CCNI: variants seen among roughly 807,000 people sequenced by gnomAD.
CCNI encodes the protein cyclin I.
Under a neutral mutation model 34.1 loss-of-function variants are expected in CCNI, and 14 were observed. The observed-to-expected ratio is 0.41, with a 90% CI of 0.27 to 0.64. The LOEUF (loss-of-function observed/expected upper bound fraction) is 0.64, where lower values mean the gene tolerates loss of function less well. Ranked by LOEUF, CCNI falls within the 30% of genes least tolerant of loss-of-function variation. CCNI has a pLI of 0.31. For synonymous variants in CCNI, 154 were observed against 158.4 expected (o/e 0.97, Z 0.21); for missense variants, 385 against 440.5 (o/e 0.87, Z 1.13).
intron 1 of CCNI, among the ~76,000 whole-genome samples, chr4:77,069,998 T>C (rs1006663828): frequency 6.6e-6 from 1 of 151,034 alleles, no homozygotes; most frequent in South Asian, 2.1e-4. Context: ...TTACCATAAA[T>C]ACAGTCTAAA....
intron 6 of CCNI, among the ~76,000 whole-genome samples, 199 bp downstream of exon 6, chr4:77,054,951 C>T (rs4252905): frequency 0.23 from 34,830 of 151,904 alleles, 4,970 homozygotes; most frequent in East Asian, 0.38. Context: ...TAAAAGGAAT[C>T]TTAAAAATAC....
At chr4:77,055,098 C>A in intron 6 of CCNI, 52 bp downstream of exon 6, 1 of 1,205,974 alleles carries the variant, frequency 8.3e-7, no homozygotes, top group Non-Finnish European at 1.2e-6. Flanking sequence ...TCTATGTATT[C>A]CAATAATAGA....
chr4:77,064,168 G>A lies in CCNI; in HGVS notation c.114+2081C>T, dbSNP rs1370677844. On this transcript the variant is annotated intron_variant, in intron 2 of 6. Coordinates refer to ENST00000237654, the MANE Select transcript of CCNI (RefSeq NM_006835.3). ...TGAGGCAAGAGAATCACTTGAGCCC[G>A]GGAGGCCGAGGTTACAGTGAGCCGA... Among the ~76,000 whole-genome samples, 27 of 151,988 alleles carry A rather than the reference G, an allele frequency of 1.8e-4. No individual in the cohort carries two copies. In the East Asian group the frequency reaches 4.3e-3, roughly 24 times the overall value.
Position 77,048,011 on chromosome 4 carries a change from CTTTT to C in CCNI, c.*204_*207del, listed in dbSNP as rs372298005. The C allele has an allele frequency of 4.3e-4, 137 of 316,638 alleles. No homozygotes were observed. Among genetic ancestry groups the C allele is most frequent in the African/African-American group, 2.3e-3 (86 of 37,948 alleles). 19.6% of individuals were successfully genotyped at this position (316,638 alleles called of 1,614,324 possible). A position where few individuals can be genotyped will look rare whatever the true frequency, so the allele number is the denominator to read the frequency against. On this transcript the variant is annotated 3_prime_UTR_variant, in exon 7 of 7. Coordinates refer to ENST00000237654, the MANE Select transcript of CCNI (RefSeq NM_006835.3). The stretch of plus-strand genomic sequence containing the variant: ...AAAAAAGTTTGGATCTTTTGGATTT[CTTTT>C]TTTTTTTTTTGGTCTTTATGTGCTT...
chr4:77,073,452 T>C, intron 1 of CCNI, among the ~76,000 whole-genome samples: 1 of 152,232 alleles, frequency 6.6e-6, no homozygotes, highest in East Asian at 1.9e-4. Context: ...ACCAATTCCA[T>C]TAATAATCCT....
chr4:77,061,916 G>A (rs1296405837), intron 2 of CCNI, among the ~76,000 whole-genome samples: 5 of 151,950 alleles, frequency 3.3e-5, no homozygotes, highest in Non-Finnish European at 7.4e-5. Flanking sequence ...TGATCCACCC[G>A]CCTCGGCCTC....
At chr4:77,066,465 AC>A (rs1729045470) in intron 1 of CCNI, 60 bp from the exon 2 acceptor site, 11 of 1,288,814 alleles carry the variant, frequency 8.5e-6, no homozygotes, top group Non-Finnish European at 1.2e-5. Context: ...TATATAAAGT[AC>A]TAATTAAGCA....
intron 2 of CCNI, among the ~76,000 whole-genome samples, chr4:77,059,702 A>T (rs1728475630): frequency 6.6e-6 from 1 of 152,124 alleles, no homozygotes; most frequent in African/African-American, 2.4e-5. Flanking sequence ...ATGGTATGGA[A>T]CACTAGAAGT....
intron 1 of CCNI, among the ~76,000 whole-genome samples, chr4:77,067,537 A>T (rs1578252844): frequency 6.6e-6 from 1 of 152,158 alleles, no homozygotes; most frequent in Non-Finnish European, 1.5e-5. Context: ...TCTGTTGCCC[A>T]GGTTAGAGTA....
chr4:77,064,585 G>GCGCGCACACACACACACA (rs375436623), intron 2 of CCNI: 1 of 143,034 alleles, frequency 7.0e-6, no homozygotes, highest in Admixed American at 6.9e-5. Flanking sequence ...GCGCGCGCGC[G>GCGCGCACACACACACACA]CACACACACA....
intron 1 of CCNI, among the ~76,000 whole-genome samples, chr4:77,074,161 T>G (rs1453640834): frequency 6.6e-6 from 1 of 152,180 alleles, no homozygotes; most frequent in African/African-American, 2.4e-5. Flanking sequence ...CCAACACACA[T>G]GCTAAGCTCC....
chr4:77,072,638 T>TAAAAAAAAAAAAAAAA (rs61247567), intron 1 of CCNI, among the ~76,000 whole-genome samples: 2 of 101,382 alleles, frequency 2.0e-5, no homozygotes, highest in Non-Finnish European at 3.8e-5. Context: ...CCCAATCTCT[T>TAAAAAAAAAAAAAAAA]AAAAAAAAAA....
At chr4:77,067,167 G>A (rs1345649708) in intron 1 of CCNI, among the ~76,000 whole-genome samples, 2 of 152,092 alleles carry the variant, frequency 1.3e-5, no homozygotes, top group Admixed American at 1.3e-4. Flanking sequence ...GGGAGGCAGA[G>A]GTTGCAGTGA....
chr4:77,060,715 C>T (rs1299770043), intron 2 of CCNI, among the ~76,000 whole-genome samples: 5 of 152,026 alleles, frequency 3.3e-5, no homozygotes, highest in African/African-American at 1.2e-4. Context: ...CCTCCGCCTC[C>T]TAGGTTCAAG....
intron 2 of CCNI, chr4:77,064,867 T>G (rs573665094): frequency 1.3e-5 from 2 of 152,194 alleles, no homozygotes; most frequent in African/African-American, 4.8e-5. Flanking sequence ...TTAGTAGAGA[T>G]GGGGTTTCGC....
intron 6 of CCNI, 117 bp downstream of exon 6, chr4:77,055,033 A>G: frequency 1.5e-6 from 1 of 650,128 alleles, no homozygotes; most frequent in East Asian, 2.7e-5. Context: ...ACTCTTGTCT[A>G]CTCTTAAGAA....
At chr4:77,049,797 T>C (rs925664894) in intron 6 of CCNI, among the ~76,000 whole-genome samples, 8 of 152,342 alleles carry the variant, frequency 5.3e-5, no homozygotes, top group East Asian at 1.9e-4. Context: ...AGGTGTGGCA[T>C]TGTATTATAT....
chr4:77,067,141 A>G (rs979586045), intron 1 of CCNI, among the ~76,000 whole-genome samples: 5 of 152,128 alleles, frequency 3.3e-5, no homozygotes, highest in Admixed American at 6.5e-5. Flanking sequence ...CTGAAGCAGG[A>G]GAATCGTTTG....
Position 77,048,784 on chromosome 4 carries a change from C to T in CCNI, c.691-122G>A, listed in dbSNP as rs947871815. 48 of 554,298 alleles carry T rather than the reference C, an allele frequency of 8.7e-5. No individual in the cohort carries two copies. In the Admixed American group the frequency reaches 1.1e-3, roughly 13 times the overall value. 34.3% of individuals were successfully genotyped at this position (554,298 alleles called of 1,614,324 possible). On this transcript the variant is annotated intron_variant, in intron 6 of 6. Transcript: ENST00000237654. ...CCGTCCCCGCTGAGTCTTTTCTCTCCCCACATCTACCTCCAACTCATTTAT... is the reference window on the plus strand; with the variant it reads ...CCGTCCCCGCTGAGTCTTTTCTCTCTCCACATCTACCTCCAACTCATTTAT...
Sources: gnomAD v4.1 joint callset for allele counts (sites outside exome capture counted in the v4.1 genomes callset) on GRCh38, gnomAD v4.1.1 for gene constraint, MANE v1.5 for transcripts, NCBI Gene and HGNC (gene_info 2026-07-23, HGNC 2026-07-21) for gene names.